Variants in CBY2 observed in about 807,000 individuals in gnomAD.
CBY2 encodes the protein chibby family member 2.
A neutral mutation model predicts 25.3 loss-of-function variants in CBY2; 23 were observed. The observed-to-expected ratio is 0.91, with a 90% CI of 0.65 to 1.29. The LOEUF (loss-of-function observed/expected upper bound fraction) is 1.29. Among genes scored for constraint, CBY2 ranks in the 50% most tolerant of loss-of-function variants. The pLI is 0.00. For synonymous variants in CBY2, 279 were observed against 260.2 expected (o/e 1.07, Z -0.70); for missense variants, 642 against 590.7 (o/e 1.09, Z -0.90).
Position 45,714,249 on chromosome 13 carries a change from G to A in CBY2, c.1224G>A (p.Leu408=). The A allele has an allele frequency of 3.1e-6, 5 of 1,613,118 alleles. No homozygotes were observed. Among genetic ancestry groups the A allele is most frequent in the Non-Finnish European group, 3.4e-6 (4 of 1,179,900 alleles). Residue 408 remains leucine, a synonymous_variant, in exon 3 of 3, where the codon CTG becomes CTA. Transcript: ENST00000310521. Reference sequence around the variant, plus strand: ...TGTGGGAGAACAACAAGCTGAAGCTGCAGCAGAAGCTGGTCATTGACACCG... The same window carrying A: ...TGTGGGAGAACAACAAGCTGAAGCTACAGCAGAAGCTGGTCATTGACACCG... The part of the protein sequence containing the change: ...KALWENNKLK[L]QQKLVIDTVT...
chr13:45,704,612 G>T lies in CBY2; in HGVS notation c.156+1757G>T, dbSNP rs1320731362. On this transcript the variant is annotated intron_variant, in intron 2 of 2. Transcript: ENST00000310521. This position sits in a 1 kb window ranked among gnomAD's most constrained non-coding sequence, Gnocchi z 4.1. ...TAAATGAGATGGCACATGGCTTAGGGGACAGGGTTGATCTGGGAAGCAAGG... is the reference window on the plus strand; with the variant it reads ...TAAATGAGATGGCACATGGCTTAGGTGACAGGGTTGATCTGGGAAGCAAGG... Among the ~76,000 whole-genome samples, 6 of 152,214 alleles carry T rather than the reference G, an allele frequency of 3.9e-5. No homozygotes were observed. Among genetic ancestry groups the T allele is most frequent in the Admixed American group, 2.6e-4 (4 of 15,284 alleles).
At chr13:45,707,685 G>A (rs150100360) in intron 2 of CBY2, among the ~76,000 whole-genome samples, 238 of 152,330 alleles carry the variant, frequency 1.6e-3, no homozygotes, top group African/African-American at 5.4e-3. Context: ...CTGGTTGTAA[G>A]AGAACCATTG....
Position 45,713,623 on chromosome 13 carries a change from T to C in CBY2, c.598T>C (p.Trp200Arg). The C allele has an allele frequency of 2.5e-6, 4 of 1,613,488 alleles. No homozygotes were observed. Among genetic ancestry groups the C allele is most frequent in the South Asian group, 1.1e-5 (1 of 91,048 alleles). The change falls in exon 3 of 3, where the codon TGG (tryptophan) becomes CGG (arginine). Residue 200 changes from tryptophan (W) to arginine (R), a missense_variant. By Grantham distance (101) the Trp-to-Arg change is moderately radical. Coordinates refer to ENST00000310521, the MANE Select transcript of CBY2 (RefSeq NM_152719.3). This position sits in a 1 kb window ranked among gnomAD's most constrained non-coding sequence, Gnocchi z 5.0. ...SKENKILQVF[W>R]EEHKASLGRE... ...GGAGAACAAGATCCTACAGGTCTTC[T>C]GGGAGGAGCACAAGGCCTCGCTGGG...
At chr13:45,711,611 C>G (rs1250305539) in intron 2 of CBY2, among the ~76,000 whole-genome samples, 1 of 152,140 alleles carries the variant, frequency 6.6e-6, no homozygotes, top group Non-Finnish European at 1.5e-5. Flanking sequence ...CCAGGAACAC[C>G]TGAAGGAGCT....
intron 2 of CBY2, among the ~76,000 whole-genome samples, chr13:45,710,907 C>T (rs1440767450): frequency 6.6e-6 from 1 of 152,144 alleles, no homozygotes; most frequent in Non-Finnish European, 1.5e-5. Context: ...GAATTCTAAC[C>T]AACTTTATAT....
At chr13:45,707,215 C>A (rs7993104) in intron 2 of CBY2, among the ~76,000 whole-genome samples, 3,933 of 152,090 alleles carry the variant, frequency 0.026, 175 homozygotes, top group African/African-American at 0.088. Context: ...TGAAAGGGAC[C>A]ACTAGCGTGC....
intron 2 of CBY2, among the ~76,000 whole-genome samples, chr13:45,710,386 G>C (rs902917238): frequency 7.2e-5 from 11 of 152,182 alleles, no homozygotes; most frequent in African/African-American, 2.7e-4. Context: ...AGCCAGGCGT[G>C]GTGGCACGCG....
intron 2 of CBY2, chr13:45,703,230 G>A (rs1950221239): frequency 7.9e-7 from 1 of 1,267,808 alleles, no homozygotes; most frequent in East Asian, 3.5e-5. Context: ...GAAATCAAAT[G>A]CATAAGAATG....
At chr13:45,711,357 T>C (rs944917457) in intron 2 of CBY2, among the ~76,000 whole-genome samples, 4 of 152,206 alleles carry the variant, frequency 2.6e-5, no homozygotes, top group African/African-American at 7.2e-5. Context: ...TTTACAGGTA[T>C]ATTTCATTGA....
At chr13:45,709,022 C>T (rs1008726556) in intron 2 of CBY2, among the ~76,000 whole-genome samples, 4 of 152,148 alleles carry the variant, frequency 2.6e-5, no homozygotes, top group Non-Finnish European at 5.9e-5. Flanking sequence ...GAGATGCCAA[C>T]TAGGTTGGTA....
chr13:45,703,428 C>T, intron 2 of CBY2: 5 of 1,514,070 alleles, frequency 3.3e-6, no homozygotes, highest in Non-Finnish European at 4.4e-6. Context: ...TGCCTGCAAT[C>T]AGCTGTTTCC....
chr13:45,711,708 C>G (rs1417332728), intron 2 of CBY2, among the ~76,000 whole-genome samples: 1 of 152,160 alleles, frequency 6.6e-6, no homozygotes, highest in Non-Finnish European at 1.5e-5. Flanking sequence ...ATTTAAAACT[C>G]ACTGGAGTTA....
chr13:45,713,112 C>A lies in CBY2; in HGVS notation c.157-70C>A. ...GGGGCTTATTTGGGGATGTCCTGGC[C>A]CCTTTGTCAGCCAGCCCCAAGTGTG... On this transcript the variant is annotated intron_variant, in intron 2 of 2. Transcript: ENST00000310521. This position sits in a 1 kb window ranked among gnomAD's most constrained non-coding sequence, Gnocchi z 5.0. 7.8e-7 allele frequency: 1 copy of A among 1,283,746 alleles called. No homozygotes were observed. The highest frequency in any genetic ancestry group is 1.1e-6 in the Non-Finnish European group (1 of 932,820). 79.5% of individuals were successfully genotyped at this position (1,283,746 alleles called of 1,614,324 possible).
In CBY2 at chr13:45,704,240, CAACGATCA is replaced by C. The variant is rs1190008497; in HGVS notation, c.156+1387_156+1394del. 6.6e-6 allele frequency among the ~76,000 whole-genome samples: 1 copy of C among 152,028 alleles called. No individual in the cohort carries two copies. Among genetic ancestry groups the C allele is most frequent in the Non-Finnish European group, 1.5e-5 (1 of 68,024 alleles). ...CCCTCCCCAGCTCCCAGAAACAGCC[CAACGATCA>C]AGGAGAAGAGAAGGTGGTTTAAGAC... On this transcript the variant is annotated intron_variant, in intron 2 of 2. Transcript: ENST00000310521. The surrounding 1 kb of genome is among the most constrained non-coding windows in gnomAD (Gnocchi z 4.1).
chr13:45,710,069 C>G (rs1442195406), intron 2 of CBY2, among the ~76,000 whole-genome samples: 1 of 152,194 alleles, frequency 6.6e-6, no homozygotes, highest in African/African-American at 2.4e-5. Flanking sequence ...CACGGCCTAG[C>G]ATGAAATTGA....
chr13:45,713,709 G>T lies in CBY2; in HGVS notation c.684G>T (p.Val228=). ...ACAAAGACAGCGCGTCCCTGGAGGT[G>T]GTGAAGAAGGACCACGTCGCCCTGC... ...LLHKDSASLE[V]VKKDHVALQV... Residue 228 remains valine (V), a synonymous_variant, in exon 3 of 3, where the codon GTG becomes GTT. Coordinates refer to ENST00000310521, the MANE Select transcript of CBY2 (RefSeq NM_152719.3). This position sits in a 1 kb window ranked among gnomAD's most constrained non-coding sequence, Gnocchi z 5.0. The T allele has an allele frequency of 1.2e-6, 2 of 1,612,036 alleles. No homozygotes were observed. The highest frequency in any genetic ancestry group is 1.7e-6 in the Non-Finnish European group (2 of 1,179,880).
rs1467308890 is a variant in CBY2, at chr13:45,702,338, T to TG, written c.-52dup. 1 of 1,520,262 alleles carries TG rather than the reference T, an allele frequency of 6.6e-7. No homozygotes were observed. The highest frequency in any genetic ancestry group is 9.1e-7 in the Non-Finnish European group (1 of 1,094,736). 94.2% of individuals were successfully genotyped at this position (1,520,262 alleles called of 1,614,324 possible). A position where few individuals can be genotyped will look rare whatever the true frequency, so the allele number is the denominator to read the frequency against. ...GCCTGTCAGATGCCTCATTCCCACC[T>TG]GTGATGCTCAGAGAGAAACCATGAG... is the stretch of plus-strand genomic sequence containing the variant. On this transcript the variant is annotated 5_prime_UTR_variant, in exon 1 of 3. It removes the in-frame stop codon of an upstream open reading frame in the 5' UTR. Coordinates refer to ENST00000310521, the MANE Select transcript of CBY2 (RefSeq NM_152719.3).
chr13:45,713,204 C>G lies in CBY2; in HGVS notation c.179C>G (p.Pro60Arg), dbSNP rs564558846. ...CAGAGGGGCACAGCCGAACCCTTCC[C>G]GAGGCTCCACAACTTGTACAGCACC... ...LPQRGTAEPF[P>R]RLHNLYSTPR... is the part of the protein sequence containing the mutation. The change falls in exon 3 of 3, where the codon CCG (proline) becomes CGG (arginine). Residue 60 changes from proline to arginine, a missense_variant. Pro to Arg is a moderately radical substitution (Grantham distance 103). Transcript: ENST00000310521. This position sits in a 1 kb window ranked among gnomAD's most constrained non-coding sequence, Gnocchi z 5.0. 2.5e-6 allele frequency: 4 copies of G among 1,612,478 alleles called. No individual in the cohort carries two copies. Among genetic ancestry groups the G allele is most frequent in the Admixed American group, 1.7e-5 (1 of 59,950 alleles).
rs201772111 is a variant in CBY2, at chr13:45,713,271, C to T, written c.246C>T (p.Arg82=). 2.5e-6 allele frequency: 4 copies of T among 1,613,902 alleles called. No individual in the cohort carries two copies. In the Admixed American group the frequency reaches 6.7e-5, roughly 27 times the overall value. The change falls in exon 3 of 3, where the codon CGC becomes CGT. Residue 82 remains arginine, a synonymous_variant. Coordinates refer to ENST00000310521, the MANE Select transcript of CBY2 (RefSeq NM_152719.3). This position sits in a 1 kb window ranked among gnomAD's most constrained non-coding sequence, Gnocchi z 5.0. ...AGGCCGCCCTGCCCCGGCTGAGCCG[C>T]AGGATGGCGAGCCAGCACTCCTATC... ...AQQAALPRLS[R]RMASQHSYPL... is the part of the protein sequence containing the mutation.
Sources: allele counts gnomAD v4.1 joint callset (sites outside exome capture counted in the v4.1 genomes callset), GRCh38; gene constraint gnomAD v4.1.1; non-coding constraint Gnocchi (gnomAD v3.1); transcripts MANE v1.5; gene names NCBI Gene and HGNC (gene_info 2026-07-23, HGNC 2026-07-21).